ADAMTS6: variants seen among roughly 807,000 people sequenced by gnomAD.
The protein encoded by ADAMTS6 is A disintegrin and metalloproteinase with thrombospondin motifs 6.
In ADAMTS6, 23 loss-of-function variants were observed where a neutral mutation model predicts 144.3. The observed-to-expected ratio is 0.16, with a 90% CI of 0.11 to 0.23. The LOEUF (loss-of-function observed/expected upper bound fraction) is 0.23. ADAMTS6 is among the 10% of genes least tolerant of loss of function. The pLI is 1.00. For missense variants in ADAMTS6, 999 were observed against 1,379.6 expected (o/e 0.72, Z 4.37); for synonymous variants, 444 against 457.5 (o/e 0.97, Z 0.38).
At chr5:65,192,653 C>CTTT (rs35427862) in intron 21 of ADAMTS6, among the ~76,000 whole-genome samples, 9 of 146,248 alleles carry the variant, frequency 6.2e-5, no homozygotes, top group African/African-American at 1.0e-4. Context: ...AATTCCTTTC[C>CTTT]TTTTTTTTTT....
At chr5:65,297,342 C>T (rs1742939131) in intron 10 of ADAMTS6, 1 of 424,904 alleles carries the variant, frequency 2.4e-6, no homozygotes, top group Admixed American at 2.8e-5. Flanking sequence ...ATTCTATTGG[C>T]CATGGAATAG....
chr5:65,436,907 G>A (rs761462680), intron 7 of ADAMTS6, among the ~76,000 whole-genome samples: 5 of 151,654 alleles, frequency 3.3e-5, no homozygotes, highest in African/African-American at 9.7e-5. Context: ...CTTTATTAAC[G>A]AGGTGTATTA....
chr5:65,376,041 C>T (rs1407844993), intron 7 of ADAMTS6, among the ~76,000 whole-genome samples: 4 of 150,176 alleles, frequency 2.7e-5, no homozygotes, highest in Non-Finnish European at 5.9e-5. Flanking sequence ...TATTCTCACT[C>T]ATAGGTGGGA....
intron 9 of ADAMTS6, among the ~76,000 whole-genome samples, chr5:65,300,521 G>T (rs1197064425): frequency 6.6e-6 from 1 of 152,192 alleles, no homozygotes; most frequent in Admixed American, 6.5e-5. Flanking sequence ...CTTTTAACAT[G>T]TTAGTGTTCA....
intron 7 of ADAMTS6, among the ~76,000 whole-genome samples, chr5:65,448,430 T>C (rs1189922849): frequency 6.6e-6 from 1 of 151,554 alleles, no homozygotes; most frequent in African/African-American, 2.4e-5. Flanking sequence ...TTTGGCCTAG[T>C]GGAAATAAAC....
At chr5:65,275,662 AAAGTAAAATAAAAACAAATAAAT>A (rs1161600005) in intron 11 of ADAMTS6, among the ~76,000 whole-genome samples, 1 of 151,866 alleles carries the variant, frequency 6.6e-6, no homozygotes, top group East Asian at 1.9e-4. Context: ...CCCAGAACTT[AAAGTAAAATAAAAACAAATAAAT>A]AAGTAAAATA....
chr5:65,428,487 A>G (rs186380168), intron 7 of ADAMTS6, among the ~76,000 whole-genome samples: 5 of 152,312 alleles, frequency 3.3e-5, no homozygotes, highest in African/African-American at 7.2e-5. Context: ...ACTCTATTGA[A>G]AAGTAAAAGT....
At chr5:65,281,071 C>T (rs992854717) in intron 11 of ADAMTS6, among the ~76,000 whole-genome samples, 5 of 152,240 alleles carry the variant, frequency 3.3e-5, no homozygotes, top group African/African-American at 9.6e-5. Flanking sequence ...CTATCAACAA[C>T]TATGCCAGGC....
rs975860150 is a variant in ADAMTS6, at chr5:65,149,888, G to A, written c.*1948C>T. On this transcript the variant is annotated 3_prime_UTR_variant, in exon 25 of 25. Coordinates refer to ENST00000381055, the MANE Select transcript of ADAMTS6 (RefSeq NM_197941.4). ...GTCTTCTAAGGGCATCTTAGATCCG[G>A]GCCCTGGTGATTCCTCTTGTATCAT... The A allele has an allele frequency of 6.6e-6, 1 of 152,640 alleles. No individual in the cohort carries two copies. The highest frequency in any genetic ancestry group is 2.4e-5 in the African/African-American group (1 of 41,438). The allele number at this position is 152,640 out of a possible 1,614,324, so 9.5% of individuals were successfully genotyped here. A position where few individuals can be genotyped will look rare whatever the true frequency, so the allele number is the denominator to read the frequency against.
intron 9 of ADAMTS6, among the ~76,000 whole-genome samples, chr5:65,326,442 A>G (rs892066404): frequency 1.3e-5 from 2 of 152,214 alleles, no homozygotes; most frequent in East Asian, 3.8e-4. Flanking sequence ...GAGAGAAATA[A>G]AAGTGGTCAC....
intron 20 of ADAMTS6, among the ~76,000 whole-genome samples, chr5:65,213,499 A>G (rs1393243945): frequency 1.3e-5 from 2 of 152,108 alleles, no homozygotes; most frequent in East Asian, 1.9e-4. Context: ...AAAATTAGCC[A>G]GGTGTGGTGG....
At chr5:65,174,044 T>G (rs1047708157) in intron 22 of ADAMTS6, among the ~76,000 whole-genome samples, 1 of 151,340 alleles carries the variant, frequency 6.6e-6, no homozygotes, top group Non-Finnish European at 1.5e-5. Context: ...AATCTATACT[T>G]CCTTCCCCTC....
intron 7 of ADAMTS6, among the ~76,000 whole-genome samples, chr5:65,373,374 GA>G (rs957919310): frequency 6.6e-6 from 1 of 150,920 alleles, no homozygotes; most frequent in Non-Finnish European, 1.5e-5. Context: ...GACTAATAAA[GA>G]AAAAAAGAGA....
At chr5:65,346,944 A>G (rs1271602559) in intron 7 of ADAMTS6, among the ~76,000 whole-genome samples, 1 of 151,420 alleles carries the variant, frequency 6.6e-6, no homozygotes, top group Non-Finnish European at 1.5e-5. Context: ...AATCCCATTT[A>G]CAATACCATT....
At chr5:65,456,406 A>G (rs1211101346) in intron 4 of ADAMTS6, among the ~76,000 whole-genome samples, 1 of 152,208 alleles carries the variant, frequency 6.6e-6, no homozygotes, top group Non-Finnish European at 1.5e-5. Context: ...GCCATCTGAA[A>G]TAAGATTTTA....
Position 65,460,286 on chromosome 5 carries a change from T to C in ADAMTS6, c.515A>G (p.Asn172Ser), listed in dbSNP as rs775214983. 3 of 1,613,954 alleles carry C rather than the reference T, an allele frequency of 1.9e-6. No homozygotes were observed. The highest frequency in any genetic ancestry group is 8.5e-7 in the Non-Finnish European group (1 of 1,179,892). The change falls in exon 4 of 25, where the codon AAT becomes AGT. Residue 172 changes from asparagine (N) to serine (S), a missense_variant. This residue lies in a region of ADAMTS6 where 252 missense variants were observed against 293.7 expected (regional missense o/e 0.86). Coordinates refer to ENST00000381055, the MANE Select transcript of ADAMTS6 (RefSeq NM_197941.4). ...AAAATGCTTGGAATCCTCTGTGGTA[T>C]TCTTTAAAGGTTCGATAAAATACTC... is the stretch of plus-strand genomic sequence containing the variant. The part of the protein sequence containing the change: ...DEEYFIEPLK[N>S]TTEDSKHFSY...
intron 7 of ADAMTS6, among the ~76,000 whole-genome samples, chr5:65,346,472 G>A (rs1484370689): frequency 5.3e-5 from 8 of 151,638 alleles, no homozygotes; most frequent in Non-Finnish European, 1.2e-4. Context: ...TAAAAGAAAT[G>A]TATCTCAACA....
At chr5:65,319,469 C>CA (rs1355132946) in intron 9 of ADAMTS6, among the ~76,000 whole-genome samples, 1 of 146,246 alleles carries the variant, frequency 6.8e-6, no homozygotes, top group Non-Finnish European at 1.5e-5. Context: ...TGCTTAAGCT[C>CA]AGGAGTTGGA....
At chr5:65,398,719 G>C (rs1005505669) in intron 7 of ADAMTS6, among the ~76,000 whole-genome samples, 1 of 148,470 alleles carries the variant, frequency 6.7e-6, no homozygotes, top group Non-Finnish European at 1.5e-5. Flanking sequence ...CAGAAAGAGA[G>C]AAAGAGAGAG....
Sources: gnomAD v4.1 joint callset for allele counts (sites outside exome capture counted in the v4.1 genomes callset) on GRCh38, gnomAD v4.1.1 for gene constraint, gnomAD v4.1.1 regional missense constraint, MANE v1.5 for transcripts, NCBI Gene and HGNC (gene_info 2026-07-23, HGNC 2026-07-21) for gene names.